Variants in RAPGEF2 observed in about 807,000 individuals in gnomAD.
RAPGEF2 encodes the protein Rap guanine nucleotide exchange factor 2.
Under a neutral mutation model 186.7 loss-of-function variants are expected in RAPGEF2, and 54 were observed. The observed-to-expected ratio is 0.29, with a 90% confidence interval of 0.23 to 0.36. RAPGEF2 has a LOEUF of 0.36. Ranked by LOEUF, RAPGEF2 falls within the 10% of genes least tolerant of loss-of-function variation. The pLI is 1.00. For synonymous variants in RAPGEF2, 712 were observed against 705.9 expected, an observed-to-expected ratio of 1.01 and a Z score of -0.14; for missense variants, 1,532 against 2,045.0, an observed-to-expected ratio of 0.75 and a Z score of 4.84.
chr4:159,268,316 T>C (rs956896455), intron 7 of RAPGEF2: 2 of 983,696 alleles, frequency 2.0e-6, no homozygotes, highest in African/African-American at 3.2e-5. Context: ...ACAGTTTTTG[T>C]AGAAGGTATA....
In RAPGEF2 at chr4:159,193,214, C is replaced by A; in HGVS notation, c.155C>A (p.Thr52Asn). Reference protein sequence around the residue: ...REHQLRLMCETVRYERHEANE... With the variant: ...REHQLRLMCENVRYERHEANE... Reference sequence around the variant, plus strand: ...CTCTTTTACAGGTTAATGTGTGAAACTGTGAGATATGAGAGACACGAAGCA... The same window carrying A: ...CTCTTTTACAGGTTAATGTGTGAAAATGTGAGATATGAGAGACACGAAGCA... The change falls in exon 3 of 30, where the codon ACT (threonine) becomes AAT (asparagine). Residue 52 changes from threonine to asparagine, a missense_variant. Transcript: ENST00000691494. The A allele has an allele frequency of 3.3e-6, 5 of 1,502,640 alleles. No individual in the cohort carries two copies. Among genetic ancestry groups the A allele is most frequent in the Non-Finnish European group, 4.4e-6 (5 of 1,130,796 alleles). 93.1% of individuals were successfully genotyped at this position (1,502,640 alleles called of 1,614,324 possible).
At position 159,331,436 on chromosome 4, in the gene RAPGEF2, A is replaced by G. The variant is rs773956420; in HGVS notation, c.1473A>G (p.Thr491=). The change falls in exon 14 of 30, where the codon ACA becomes ACG. Residue 491 remains threonine, a synonymous_variant. Transcript: ENST00000691494. ...GAAAATAATTGACTTTTCAGGTTAC[A>G]CGGGTAGTATTATTGTGGGTAAATA... is the stretch of plus-strand genomic sequence containing the variant. ...FNDPSLRDKV[T]RVVLLWVNNH... The G allele has an allele frequency of 3.8e-6, 6 of 1,593,924 alleles. No homozygotes were observed. In the East Asian group the frequency reaches 1.1e-4, roughly 30 times the overall value.
intron 11 of RAPGEF2, among the ~76,000 whole-genome samples, chr4:159,326,063 T>A (rs1396270255): frequency 6.6e-6 from 1 of 152,232 alleles, no homozygotes; most frequent in East Asian, 1.9e-4. Context: ...AAGGAATATG[T>A]TAAATCAGGG....
chr4:159,306,431 GATTGTT>G (rs1242126689), intron 8 of RAPGEF2, among the ~76,000 whole-genome samples: 1 of 152,086 alleles, frequency 6.6e-6, no homozygotes, highest in African/African-American at 2.4e-5. Context: ...TTCTCAGCTA[GATTGTT>G]ATTGTTGTAT....
At chr4:159,176,195 G>A (rs1246975008) in intron 1 of RAPGEF2, among the ~76,000 whole-genome samples, 1 of 152,182 alleles carries the variant, frequency 6.6e-6, no homozygotes, top group Non-Finnish European at 1.5e-5. Flanking sequence ...CATGTGGAAA[G>A]GGTACAAGAG....
chr4:159,337,638 C>A (rs887930029), intron 17 of RAPGEF2, among the ~76,000 whole-genome samples: 1 of 151,900 alleles, frequency 6.6e-6, no homozygotes, highest in Non-Finnish European at 1.5e-5. Flanking sequence ...GCCTGTAATC[C>A]TAGCACTTTG....
intron 1 of RAPGEF2, among the ~76,000 whole-genome samples, chr4:159,123,955 A>G (rs1438740368): frequency 6.6e-6 from 1 of 151,980 alleles, no homozygotes; most frequent in Non-Finnish European, 1.5e-5. Context: ...TCCCGGGTTC[A>G]AGCAATTCTT....
At chr4:159,295,076 C>T (rs1761766050) in intron 7 of RAPGEF2, among the ~76,000 whole-genome samples, 2 of 152,144 alleles carry the variant, frequency 1.3e-5, no homozygotes, top group Admixed American at 1.3e-4. Flanking sequence ...ATGAAACGTT[C>T]AGCGTATTGC....
intron 7 of RAPGEF2, among the ~76,000 whole-genome samples, chr4:159,286,687 A>G (rs888424595): frequency 1.3e-5 from 2 of 152,172 alleles, no homozygotes; most frequent in South Asian, 2.1e-4. Flanking sequence ...AGACCAAGCC[A>G]TGGAGCCTTT....
In RAPGEF2 at chr4:159,162,894, T is replaced by TG. The variant is rs563717354; in HGVS notation, c.70-23748_70-23747insG. Among the ~76,000 whole-genome samples, 34 of 152,304 alleles carry TG rather than the reference T, an allele frequency of 2.2e-4. 1 individual carries two copies. In the South Asian group the frequency reaches 3.9e-3, roughly 18 times the overall value. ...TTTTATTGTTCCTTGTAATTTTTTT[T>TG]TCCGTAAGATTACCCAGGGAGGAAG... is the stretch of plus-strand genomic sequence containing the variant. On this transcript the variant is annotated intron_variant, in intron 1 of 29. Coordinates refer to ENST00000691494, the MANE Select transcript of RAPGEF2 (RefSeq NM_001394067.2).
chr4:159,310,769 C>G (rs1267413143), intron 8 of RAPGEF2, among the ~76,000 whole-genome samples: 2 of 151,934 alleles, frequency 1.3e-5, no homozygotes, highest in Non-Finnish European at 2.9e-5. Context: ...GTTCCTGAAA[C>G]AAATATATCC....
Position 159,305,339 on chromosome 4 carries a change from C to G in RAPGEF2, c.675+866C>G, listed in dbSNP as rs188413286. Among the ~76,000 whole-genome samples the G allele has an allele frequency of 4.3e-3, 654 of 152,224 alleles. 10 individuals are homozygous for G. Among genetic ancestry groups the G allele is most frequent in the African/African-American group, 0.015 (622 of 41,530 alleles). ...TCTCTTATCTCCACATCCTCACCAT[C>G]TGTTACTATTTTTGTCTTTTTCATG... is the stretch of plus-strand genomic sequence containing the variant. On this transcript the variant is annotated intron_variant, in intron 8 of 29. Transcript: ENST00000691494.
At chr4:159,295,750 T>TGC (rs1470914736) in intron 7 of RAPGEF2, among the ~76,000 whole-genome samples, 58 of 104,552 alleles carry the variant, frequency 5.5e-4, no homozygotes, top group African/African-American at 1.5e-3. Context: ...TGTGTGTGTG[T>TGC]GTGTGCGCGC....
At chr4:159,320,428 C>T (rs1038652322) in intron 9 of RAPGEF2, among the ~76,000 whole-genome samples, 2 of 152,134 alleles carry the variant, frequency 1.3e-5, no homozygotes, top group Non-Finnish European at 2.9e-5. Context: ...AGAACGTATT[C>T]TTTCTATAAC....
At chr4:159,329,582 G>A (rs1018709806) in intron 11 of RAPGEF2, 16 of 193,638 alleles carry the variant, frequency 8.3e-5, no homozygotes, top group Non-Finnish European at 1.4e-4. Flanking sequence ...GCATGAAAAA[G>A]CTATCTTCTA....
At chr4:159,260,812 G>A (rs1024002679) in intron 7 of RAPGEF2, among the ~76,000 whole-genome samples, 5 of 152,024 alleles carry the variant, frequency 3.3e-5, no homozygotes, top group South Asian at 2.1e-4. Flanking sequence ...GCAATGGCGC[G>A]ATCTCGGCTC....
chr4:159,316,375 C>T (rs1419512825), intron 9 of RAPGEF2, among the ~76,000 whole-genome samples: 1 of 152,078 alleles, frequency 6.6e-6, no homozygotes, highest in African/African-American at 2.4e-5. Context: ...TATACTGGAA[C>T]AGCTCATGTC....
At chr4:159,299,435 A>AAC (rs1762392156) in intron 7 of RAPGEF2, among the ~76,000 whole-genome samples, 1 of 151,874 alleles carries the variant, frequency 6.6e-6, no homozygotes, top group South Asian at 2.1e-4. Context: ...TACATTAAAA[A>AAC]AAAAAAAAAG....
At chr4:159,140,863 A>T (rs1420368107) in intron 1 of RAPGEF2, among the ~76,000 whole-genome samples, 2 of 149,978 alleles carry the variant, frequency 1.3e-5, no homozygotes, top group African/African-American at 4.9e-5. Flanking sequence ...ACGGAGTCTC[A>T]CTCTGTCGCC....
Sources: gnomAD v4.1 joint callset for allele counts (sites outside exome capture counted in the v4.1 genomes callset) on GRCh38, gnomAD v4.1.1 for gene constraint, MANE v1.5 for transcripts, NCBI Gene and HGNC (gene_info 2026-07-23, HGNC 2026-07-21) for gene names.